The following KCNE3 variants were observed in gnomAD, a reference collection of about 807,000 sequenced individuals.
KCNE3 encodes potassium voltage-gated channel subfamily E member 3.
KCNE3 carries 2 observed loss-of-function variants against 4.3 expected under a neutral mutation model. The observed-to-expected ratio is 0.47, with a 90% CI of 0.19 to 1.48. The LOEUF is 1.48. Among genes scored for constraint, KCNE3 ranks in the 40% most tolerant of loss-of-function variants. The pLI, the probability that KCNE3 is intolerant of heterozygous loss-of-function variation, is 0.25. For synonymous variants in KCNE3, 47 were observed against 52.0 expected (o/e 0.90, Z 0.41); for missense variants, 128 against 136.8 (o/e 0.94, Z 0.32).
At chr11:74,459,508 C>CT (rs748377482) in intron 2 of KCNE3, among the ~76,000 whole-genome samples, 7 of 152,026 alleles carry the variant, frequency 4.6e-5, no homozygotes, top group Non-Finnish European at 8.8e-5. Context: ...GTGATTCGCC[C>CT]ACCTCGGCCT....
intron 1 of KCNE3, among the ~76,000 whole-genome samples, chr11:74,465,378 G>A (rs915092393): frequency 1.3e-5 from 2 of 152,162 alleles, no homozygotes; most frequent in Non-Finnish European, 2.9e-5. Context: ...GTCTGGGGAA[G>A]GGATGGCTCA....
chr11:74,464,553 A>G (rs2135019320), intron 1 of KCNE3, among the ~76,000 whole-genome samples: 1 of 152,308 alleles, frequency 6.6e-6, no homozygotes, highest in East Asian at 1.9e-4. Flanking sequence ...CTTCATGATC[A>G]TGTTGTTGGT....
rs1372435676 is a variant in KCNE3, at chr11:74,457,212, C to T, written c.*40G>A. 3 of 1,591,810 alleles carry T rather than the reference C, an allele frequency of 1.9e-6. No homozygotes were observed. Among genetic ancestry groups the T allele is most frequent in the South Asian group, 1.1e-5 (1 of 89,352 alleles). On this transcript the variant is annotated 3_prime_UTR_variant, in exon 3 of 3. Coordinates refer to ENST00000310128, the MANE Select transcript of KCNE3 (RefSeq NM_005472.5). ...AGTTCTGGAGGCCCCAGACGCAATC[C>T]CCAGGTGTCTTGGTCTTCCACCGTC...
intron 2 of KCNE3, among the ~76,000 whole-genome samples, chr11:74,459,883 G>A (rs2135010050): frequency 6.6e-6 from 1 of 152,228 alleles, no homozygotes; most frequent in East Asian, 1.9e-4. Context: ...GACTGGCTGG[G>A]TATTCCCTTT....
At chr11:74,459,217 T>G (rs560660709) in intron 2 of KCNE3, among the ~76,000 whole-genome samples, 2 of 151,992 alleles carry the variant, frequency 1.3e-5, no homozygotes, top group African/African-American at 4.8e-5. Context: ...AAATGTTCCT[T>G]TCCCTTCTTC....
chr11:74,465,102 CTGTG>C (rs143869592), intron 1 of KCNE3, among the ~76,000 whole-genome samples: 109 of 150,158 alleles, frequency 7.3e-4, no homozygotes, highest in African/African-American at 1.9e-3. Flanking sequence ...TACTGAAACT[CTGTG>C]TGTGTGTGTG....
Position 74,455,233 on chromosome 11 carries a change from G to A in KCNE3, c.*2019C>T, listed in dbSNP as rs9516. On this transcript the variant is annotated 3_prime_UTR_variant, in exon 3 of 3. Transcript: ENST00000310128. ...ACCCAATTCCTCAGAGATAACTGCT[G>A]TCAGAATATTATTTCAGAGTTCTGC... The A allele has an allele frequency of 0.59, 90,013 of 152,032 alleles. 26,923 individuals carry two copies. Among genetic ancestry groups the A allele is most frequent in the African/African-American group, 0.66 (27,191 of 41,446 alleles). 9.4% of individuals were successfully genotyped at this position (152,032 alleles called of 1,614,324 possible). A position where few individuals can be genotyped will look rare whatever the true frequency, so the allele number is the denominator to read the frequency against.
At chr11:74,460,256 A>G (rs1863921230) in intron 2 of KCNE3, among the ~76,000 whole-genome samples, 1 of 152,192 alleles carries the variant, frequency 6.6e-6, no homozygotes, top group Admixed American at 6.5e-5. Context: ...CTACTACCCC[A>G]TGTGTCAGGC....
intron 1 of KCNE3, among the ~76,000 whole-genome samples, chr11:74,463,126 C>A (rs1009980517): frequency 6.6e-6 from 1 of 152,064 alleles, no homozygotes; most frequent in African/African-American, 2.4e-5. Flanking sequence ...AGCTCACCTG[C>A]CAGGATGATC....
At chr11:74,465,807 T>C (rs1378159295) in intron 1 of KCNE3, among the ~76,000 whole-genome samples, 2 of 152,326 alleles carry the variant, frequency 1.3e-5, no homozygotes, top group African/African-American at 2.4e-5. Context: ...GGGAATGTTT[T>C]AGAAATTGCA....
intron 2 of KCNE3, among the ~76,000 whole-genome samples, chr11:74,458,203 A>G (rs1453375028): frequency 1.3e-5 from 2 of 152,242 alleles, no homozygotes; most frequent in Non-Finnish European, 2.9e-5. Flanking sequence ...TAAGTACTCA[A>G]TAAATAATTG....
rs1864079021 is a variant in KCNE3 at position 74,467,209 on chromosome 11, G to GCGCT, written c.-190+185_-190+188dup. ...TCCCACATGCTGCTCCACGATCACT[G>GCGCT]CGCTCGGGAGGATCGGGGAGGATCC... On this transcript the variant is annotated intron_variant, in intron 1 of 2. Coordinates refer to ENST00000310128, the MANE Select transcript of KCNE3 (RefSeq NM_005472.5). This position sits in a 1 kb window ranked among gnomAD's most constrained non-coding sequence, Gnocchi z 4.4. 6.6e-6 allele frequency among the ~76,000 whole-genome samples: 1 copy of GCGCT among 152,034 alleles called. No individual in the cohort carries two copies. Among genetic ancestry groups the GCGCT allele is most frequent in the Non-Finnish European group, 1.5e-5 (1 of 68,018 alleles).
intron 2 of KCNE3, among the ~76,000 whole-genome samples, chr11:74,459,890 C>T (rs1196855693): frequency 6.6e-6 from 1 of 152,128 alleles, no homozygotes; most frequent in African/African-American, 2.4e-5. Context: ...TGGGTATTCC[C>T]TTTTTCTAGA....
At chr11:74,459,314 T>A (rs1477411473) in intron 2 of KCNE3, among the ~76,000 whole-genome samples, 1 of 141,408 alleles carries the variant, frequency 7.1e-6, no homozygotes, top group Admixed American at 8.0e-5. Context: ...CAGGCTGCAG[T>A]GCAGTGGCGC....
rs1371915891 is a variant in KCNE3, at chr11:74,457,225, G to C, written c.*27C>G. 2.5e-6 allele frequency: 4 copies of C among 1,607,128 alleles called. No individual in the cohort carries two copies. In the African/African-American group the frequency reaches 5.3e-5, roughly 21 times the overall value. ...CCAGACGCAATCCCCAGGTGTCTTGGTCTTCCACCGTCCCAGCCCTCTCGT... is the reference window on the plus strand; with the variant it reads ...CCAGACGCAATCCCCAGGTGTCTTGCTCTTCCACCGTCCCAGCCCTCTCGT... On this transcript the variant is annotated 3_prime_UTR_variant, in exon 3 of 3. Transcript: ENST00000310128.
chr11:74,459,352 C>A (rs1842585925), intron 2 of KCNE3, among the ~76,000 whole-genome samples: 1 of 149,800 alleles, frequency 6.7e-6, no homozygotes, highest in South Asian at 2.1e-4. Flanking sequence ...AGTTCCGCCT[C>A]CTGGGTTCAC....
chr11:74,457,129 C>T lies in KCNE3; in HGVS notation c.*123G>A, dbSNP rs531245825. On this transcript the variant is annotated 3_prime_UTR_variant, in exon 3 of 3. Coordinates refer to ENST00000310128, the MANE Select transcript of KCNE3 (RefSeq NM_005472.5). ...CACCCCAGTGACGACCTCCCTTAAC[C>T]GTGTTTCTTGTTGATCTTACAGATA... 13 of 985,450 alleles carry T rather than the reference C, an allele frequency of 1.3e-5. No homozygotes were observed. Among genetic ancestry groups the T allele is most frequent in the African/African-American group, 1.1e-4 (7 of 62,170 alleles). The allele number at this position is 985,450 out of a possible 1,614,324, so 61.0% of individuals were successfully genotyped here.
At chr11:74,458,860 G>A (rs775704312) in intron 2 of KCNE3, among the ~76,000 whole-genome samples, 47 of 151,818 alleles carry the variant, frequency 3.1e-4, no homozygotes, top group Non-Finnish European at 2.4e-4. Flanking sequence ...AAGACTCCAC[G>A]GACACCTTTT....
At chr11:74,457,726 C>G (rs1863856209) in intron 2 of KCNE3, 123 bp from the exon 3 acceptor site, 2 of 696,718 alleles carry the variant, frequency 2.9e-6, no homozygotes, top group Non-Finnish European at 5.2e-6. Flanking sequence ...GTGTCCCCAC[C>G]CAAATCTCAT....
Sources: gnomAD v4.1 joint callset for allele counts (sites outside exome capture counted in the v4.1 genomes callset) on GRCh38, gnomAD v4.1.1 for gene constraint, Gnocchi (gnomAD v3.1) non-coding constraint, MANE v1.5 for transcripts, NCBI Gene and HGNC (gene_info 2026-07-23, HGNC 2026-07-21) for gene names.